FLI1: variants seen among roughly 807,000 people sequenced by gnomAD.
FLI1 encodes Friend leukemia integration 1 transcription factor.
FLI1 carries 13 observed loss-of-function variants against 53.1 expected under a neutral mutation model. The observed-to-expected ratio is 0.24, with a 90% CI of 0.16 to 0.39. The LOEUF is 0.39. FLI1 is among the 10% of genes least tolerant of loss of function. The probability of loss-of-function intolerance (pLI) is 1.00; values close to 1 mark genes in which losing one functional copy is unlikely to be tolerated. For synonymous variants in FLI1, 244 were observed against 236.7 expected (o/e 1.03, Z -0.28); for missense variants, 424 against 600.5 (o/e 0.71, Z 3.07).
At chr11:128,752,908 A>G (rs1015322705) in intron 1 of FLI1, among the ~76,000 whole-genome samples, 1 of 152,242 alleles carries the variant, frequency 6.6e-6, no homozygotes, top group Non-Finnish European at 1.5e-5. Flanking sequence ...GTTCAAGTGC[A>G]TTACTGGTAG....
intron 1 of FLI1, among the ~76,000 whole-genome samples, chr11:128,701,807 C>A (rs1040007800): frequency 3.9e-5 from 6 of 152,190 alleles, no homozygotes; most frequent in Non-Finnish European, 5.9e-5. Context: ...TGCACACATG[C>A]AAGAGGCTGG....
At chr11:128,744,654 G>A (rs778309480) in intron 1 of FLI1, among the ~76,000 whole-genome samples, 1 of 152,162 alleles carries the variant, frequency 6.6e-6, no homozygotes, top group Non-Finnish European at 1.5e-5. Flanking sequence ...CCAGCAGAAT[G>A]GAGAGCCCCC....
At chr11:128,744,515 G>A (rs1940290357) in intron 1 of FLI1, among the ~76,000 whole-genome samples, 1 of 152,238 alleles carries the variant, frequency 6.6e-6, no homozygotes, top group Non-Finnish European at 1.5e-5. Context: ...AAAGGAAACT[G>A]AGGCATGGAG....
In FLI1 at chr11:128,812,182, A is replaced by G. The variant is rs1048850260; in HGVS notation, c.*1194A>G. ...CCATTTAGATCTTTAATGCTTTGGA[A>G]ATGCGTGTAACAGTACTGCAATAAT... On this transcript the variant is annotated 3_prime_UTR_variant, in exon 9 of 9. Coordinates refer to ENST00000527786, the MANE Select transcript of FLI1 (RefSeq NM_002017.5). 4.6e-6 allele frequency: 1 copy of G among 218,446 alleles called. No homozygotes were observed. The highest frequency in any genetic ancestry group is 2.2e-5 in the African/African-American group (1 of 44,504). The allele number at this position is 218,446 out of a possible 1,614,324, so 13.5% of individuals were successfully genotyped here.
At chr11:128,782,904 G>A (rs992698799) in intron 5 of FLI1, among the ~76,000 whole-genome samples, 1 of 152,146 alleles carries the variant, frequency 6.6e-6, no homozygotes, top group African/African-American at 2.4e-5. Context: ...TTCAGGCATT[G>A]AAACAAGTGA....
intron 2 of FLI1, 31 bp downstream of exon 2, chr11:128,758,357 G>C: frequency 1.3e-6 from 2 of 1,589,756 alleles, no homozygotes; most frequent in Non-Finnish European, 1.7e-6. Context: ...CAGGATTGGG[G>C]GAAGGCACAA....
rs1187635667 is a variant in FLI1 at position 128,708,993 on chromosome 11, G to A, written c.18+14717G>A. On this transcript the variant is annotated intron_variant, in intron 1 of 8. Coordinates refer to ENST00000527786, the MANE Select transcript of FLI1 (RefSeq NM_002017.5). ...GGTGAGACAAAACCTTAGGAAGGCT[G>A]GCAGTAAACCTCTGGAGTATTTTGC... 2.0e-5 allele frequency among the ~76,000 whole-genome samples: 3 copies of A among 152,190 alleles called. No homozygotes were observed. The East Asian group carries it at 5.8e-4, about 29-fold the overall frequency.
chr11:128,796,796 G>A (rs1261556020), intron 5 of FLI1, among the ~76,000 whole-genome samples: 1 of 152,178 alleles, frequency 6.6e-6, no homozygotes, highest in East Asian at 1.9e-4. Context: ...CCAACATGGT[G>A]AAACCCCGTC....
chr11:128,750,690 C>T (rs775973988), intron 1 of FLI1, among the ~76,000 whole-genome samples: 5 of 152,166 alleles, frequency 3.3e-5, no homozygotes, highest in Middle Eastern at 3.2e-3. Flanking sequence ...GGCCACTGTG[C>T]GGCCATGCTC....
chr11:128,805,443 T>C lies in FLI1; in HGVS notation c.721+12T>C. ...TGGCCTCAACAAAAGTAAGTAAATGTTTTATAGTTCTTTGGAGGAAAGCAT... is the reference window on the plus strand; with the variant it reads ...TGGCCTCAACAAAAGTAAGTAAATGCTTTATAGTTCTTTGGAGGAAAGCAT... On this transcript the variant is annotated intron_variant, in intron 6 of 8. Coordinates refer to ENST00000527786, the MANE Select transcript of FLI1 (RefSeq NM_002017.5). The C allele has an allele frequency of 1.3e-6, 2 of 1,518,634 alleles. No homozygotes were observed. The highest frequency in any genetic ancestry group is 1.8e-6 in the Non-Finnish European group (2 of 1,110,560). 94.1% of individuals were successfully genotyped at this position (1,518,634 alleles called of 1,614,324 possible).
At chr11:128,797,140 G>A (rs1217245490) in intron 5 of FLI1, among the ~76,000 whole-genome samples, 1 of 152,220 alleles carries the variant, frequency 6.6e-6, no homozygotes, top group East Asian at 1.9e-4. Flanking sequence ...TACGTTTCTT[G>A]ATTTGAATGG....
chr11:128,741,886 G>C (rs1157570287), intron 1 of FLI1, among the ~76,000 whole-genome samples: 1 of 152,100 alleles, frequency 6.6e-6, no homozygotes, highest in Non-Finnish European at 1.5e-5. Flanking sequence ...GGGAGGCTGG[G>C]GAAGCTTGTG....
chr11:128,756,427 C>A (rs1940861879), intron 1 of FLI1, among the ~76,000 whole-genome samples: 1 of 152,174 alleles, frequency 6.6e-6, no homozygotes, highest in African/African-American at 2.4e-5. Flanking sequence ...ACCCTATCAG[C>A]CTCATTTCAC....
intron 2 of FLI1, among the ~76,000 whole-genome samples, chr11:128,758,542 A>G (rs1940987975): frequency 6.6e-6 from 1 of 152,180 alleles, no homozygotes; most frequent in Admixed American, 6.5e-5. Context: ...TCTGGGGCCC[A>G]CGAAGCCCTC....
At chr11:128,753,941 G>A (rs966133041) in intron 1 of FLI1, among the ~76,000 whole-genome samples, 6 of 152,180 alleles carry the variant, frequency 3.9e-5, no homozygotes, top group Non-Finnish European at 7.3e-5. Context: ...AAGGGGTGCC[G>A]TTTATTTGCA....
chr11:128,787,235 C>T (rs1942114658), intron 5 of FLI1, among the ~76,000 whole-genome samples: 1 of 152,148 alleles, frequency 6.6e-6, no homozygotes, highest in Non-Finnish European at 1.5e-5. Context: ...CGTTCCTATC[C>T]ATTATCCCGT....
intron 6 of FLI1, chr11:128,805,647 C>A (rs556588766): frequency 1.9e-6 from 1 of 519,136 alleles, no homozygotes; most frequent in Non-Finnish European, 3.4e-6. Context: ...TGTTTTATTG[C>A]GCTCGGTTTT....
At chr11:128,770,193 C>T (rs1057468452) in intron 3 of FLI1, among the ~76,000 whole-genome samples, 1 of 152,204 alleles carries the variant, frequency 6.6e-6, no homozygotes. Flanking sequence ...AAAGGAATAG[C>T]AAAACATCAG....
In FLI1 at chr11:128,745,741, G is replaced by A. The variant is rs1329671016; in HGVS notation, c.19-12374G>A. Among the ~76,000 whole-genome samples, 5 of 152,336 alleles carry A rather than the reference G, an allele frequency of 3.3e-5. No homozygotes were observed. In the East Asian group the frequency reaches 5.8e-4, roughly 18 times the overall value. On this transcript the variant is annotated intron_variant, in intron 1 of 8. Coordinates refer to ENST00000527786, the MANE Select transcript of FLI1 (RefSeq NM_002017.5). Reference sequence around the variant, plus strand: ...TGCTGCCAGTCACACAAAGCGTCCCGGCTTGTGTGCGTGAGGCAGGACGTC... The same window carrying A: ...TGCTGCCAGTCACACAAAGCGTCCCAGCTTGTGTGCGTGAGGCAGGACGTC...
Sources: allele counts gnomAD v4.1 joint callset (sites outside exome capture counted in the v4.1 genomes callset), GRCh38; gene constraint gnomAD v4.1.1; transcripts MANE v1.5; gene names NCBI Gene and HGNC (gene_info 2026-07-23, HGNC 2026-07-21).